Variants in HELZ observed in about 807,000 individuals in gnomAD.
HELZ encodes ATP-dependent RNA helicase with zinc finger domain.
A neutral mutation model predicts 218.2 loss-of-function variants in HELZ; 23 were observed. The observed-to-expected ratio is 0.11, with a 90% CI of 0.08 to 0.15. The LOEUF (loss-of-function observed/expected upper bound fraction) is 0.15. Among genes scored for constraint, HELZ ranks in the 10% least tolerant of loss-of-function variants. HELZ has a pLI of 1.00. For missense variants in HELZ, 1,813 were observed against 2,353.7 expected (o/e 0.77, Z 4.75); for synonymous variants, 814 against 829.4 (o/e 0.98, Z 0.32).
At chr17:67,237,024 C>G (rs1262933349) in intron 3 of HELZ, among the ~76,000 whole-genome samples, 4 of 152,178 alleles carry the variant, frequency 2.6e-5, no homozygotes, top group African/African-American at 9.7e-5. Context: ...ACAAATCATG[C>G]AAAACAAGCG....
At chr17:67,236,900 T>C (rs1402701266) in intron 3 of HELZ, among the ~76,000 whole-genome samples, 4 of 152,124 alleles carry the variant, frequency 2.6e-5, no homozygotes, top group Non-Finnish European at 5.9e-5. Flanking sequence ...CTTGACTGAG[T>C]GTTTTCATAC....
chr17:67,154,435 A>C (rs56895823), intron 17 of HELZ, among the ~76,000 whole-genome samples: 1 of 151,784 alleles, frequency 6.6e-6, no homozygotes, highest in Non-Finnish European at 1.5e-5. Flanking sequence ...TCTTAAAAAA[A>C]AATAATAATA....
chr17:67,131,059 A>C (rs1416753748), intron 23 of HELZ, among the ~76,000 whole-genome samples: 2 of 151,916 alleles, frequency 1.3e-5, no homozygotes, highest in Non-Finnish European at 2.9e-5. Flanking sequence ...CTAAATTTTT[A>C]AATTTTTTTG....
chr17:67,146,132 G>T (rs1338925699), intron 20 of HELZ, among the ~76,000 whole-genome samples: 1 of 152,146 alleles, frequency 6.6e-6, no homozygotes, highest in Non-Finnish European at 1.5e-5. Flanking sequence ...AGGAAGAAAT[G>T]ATGACAGTTC....
intron 3 of HELZ, among the ~76,000 whole-genome samples, chr17:67,235,428 C>T (rs2041151874): frequency 6.6e-6 from 1 of 151,694 alleles, no homozygotes; most frequent in Non-Finnish European, 1.5e-5. Flanking sequence ...TCACTTGAAC[C>T]AGGGAGGCGG....
Position 67,107,226 on chromosome 17 carries a change from T to G in HELZ, c.5184A>C (p.Pro1728=). The G allele has an allele frequency of 6.2e-7, 1 of 1,614,110 alleles. No homozygotes were observed. The highest frequency in any genetic ancestry group is 8.5e-7 in the Non-Finnish European group (1 of 1,179,998). Residue 1728 remains proline (P), a synonymous_variant, in exon 31 of 33, where the codon CCA becomes CCC. Coordinates refer to ENST00000358691, the MANE Select transcript of HELZ (RefSeq NM_014877.4). The part of the protein sequence containing the change: ...QNHQHAIGQE[P]FHPLSSRTVS... ...CTGTTCGAGATGACAATGGGTGAAA[T>G]GGCTCTTGACCAATAGCATGTTGAT...
At chr17:67,095,779 C>T (rs2036724119) in intron 31 of HELZ, among the ~76,000 whole-genome samples, 1 of 152,174 alleles carries the variant, frequency 6.6e-6, no homozygotes, top group Non-Finnish European at 1.5e-5. Context: ...CCAACAATCA[C>T]AACAAGAAAG....
intron 32 of HELZ, among the ~76,000 whole-genome samples, chr17:67,078,828 T>G (rs970532160): frequency 6.6e-6 from 1 of 152,186 alleles, no homozygotes; most frequent in African/African-American, 2.4e-5. Context: ...AAAACTAAAG[T>G]TCAAATCTGA....
At chr17:67,178,624 A>AT (rs778061936) in intron 13 of HELZ, 35 bp downstream of exon 13, 3 of 1,553,410 alleles carry the variant, frequency 1.9e-6, no homozygotes, top group Non-Finnish European at 2.6e-6. Context: ...CAAAGGGGAG[A>AT]TTTTTTGTTT....
intron 5 of HELZ, among the ~76,000 whole-genome samples, chr17:67,214,227 A>G (rs1332169892): frequency 6.6e-6 from 1 of 151,718 alleles, no homozygotes; most frequent in Admixed American, 6.6e-5. Flanking sequence ...CAAAGGTCAC[A>G]GAATCTTTAA....
intron 12 of HELZ, among the ~76,000 whole-genome samples, chr17:67,187,676 G>T (rs939373847): frequency 2.4e-4 from 37 of 152,168 alleles, no homozygotes; most frequent in African/African-American, 8.9e-4. Context: ...GGGCTAACAT[G>T]TCCTTTCTTT....
intron 21 of HELZ, among the ~76,000 whole-genome samples, chr17:67,142,454 G>C (rs551053973): frequency 1.3e-5 from 2 of 152,268 alleles, no homozygotes; most frequent in East Asian, 1.9e-4. Context: ...GCTGCAGTGA[G>C]CCATAATCAT....
chr17:67,226,250 T>TC (rs927423264), intron 3 of HELZ, among the ~76,000 whole-genome samples: 55 of 121,230 alleles, frequency 4.5e-4, no homozygotes, highest in African/African-American at 1.8e-3. Flanking sequence ...AGGGTGAGAC[T>TC]CCATCTCAAA....
intron 19 of HELZ, among the ~76,000 whole-genome samples, chr17:67,149,127 T>C (rs1286390845): frequency 1.3e-5 from 2 of 152,210 alleles, no homozygotes; most frequent in African/African-American, 4.8e-5. Context: ...TCATTGTTAA[T>C]AATTAACAAA....
Position 67,148,679 on chromosome 17 carries a change from C to A in HELZ, c.2511G>T (p.Glu837Asp), listed in dbSNP as rs1331123265. 1.2e-6 allele frequency: 2 copies of A among 1,613,566 alleles called. No homozygotes were observed. The highest frequency in any genetic ancestry group is 1.7e-6 in the Non-Finnish European group (2 of 1,179,678). ...SPFVYSEFARERNLHVSLLDR... is the reference protein window; with the variant it reads ...SPFVYSEFARDRNLHVSLLDR... ...CAAGTAATGAAACGTGAAGGTTTCT[C>A]TCCCTGGCAAACTCGCTGTAAACAA... The change falls in exon 20 of 33, where the codon GAG becomes GAT. Residue 837 changes from glutamate (E) to aspartate (D), a missense_variant. Glu to Asp is a conservative substitution (Grantham distance 45). Transcript: ENST00000358691.
intron 13 of HELZ, among the ~76,000 whole-genome samples, chr17:67,175,204 C>A (rs1416489321): frequency 6.6e-6 from 1 of 152,028 alleles, no homozygotes; most frequent in Non-Finnish European, 1.5e-5. Context: ...TCCGTATAGC[C>A]CTTAACTGAC....
chr17:67,190,510 G>C (rs2039864120), intron 9 of HELZ, among the ~76,000 whole-genome samples, 155 bp from the exon 10 acceptor site: 1 of 152,178 alleles, frequency 6.6e-6, no homozygotes, highest in African/African-American at 2.4e-5. Flanking sequence ...GGAGGGAGAA[G>C]AGGTTTAGAG....
At chr17:67,182,370 A>C (rs2039638457) in intron 12 of HELZ, among the ~76,000 whole-genome samples, 1 of 152,096 alleles carries the variant, frequency 6.6e-6, no homozygotes, top group Non-Finnish European at 1.5e-5. Context: ...GCTTGAACCC[A>C]GGAGGTGGAG....
chr17:67,210,174 TA>T (rs2040414838), intron 5 of HELZ, among the ~76,000 whole-genome samples: 1 of 152,204 alleles, frequency 6.6e-6, no homozygotes, highest in Admixed American at 6.5e-5. Context: ...TAGTGAGCTA[TA>T]ATCACGCCAC....
Sources: allele counts gnomAD v4.1 joint callset (sites outside exome capture counted in the v4.1 genomes callset), GRCh38; gene constraint gnomAD v4.1.1; transcripts MANE v1.5; gene names NCBI Gene and HGNC (gene_info 2026-07-23, HGNC 2026-07-21).